FRMD5: variants seen among roughly 807,000 people sequenced by gnomAD.
FRMD5 encodes FERM domain containing 5.
FRMD5 carries 20 observed loss-of-function variants against 69.0 expected under a neutral mutation model. That is an observed-to-expected ratio of 0.29 (90% CI 0.20 to 0.42). The LOEUF (loss-of-function observed/expected upper bound fraction) is 0.42, where lower values mean the gene tolerates loss of function less well. FRMD5 is among the 10% of genes least tolerant of loss of function. The probability of loss-of-function intolerance (pLI) is 1.00; values close to 1 mark genes in which losing one functional copy is unlikely to be tolerated. For synonymous variants in FRMD5, 271 were observed against 260.1 expected (o/e 1.04, Z -0.40); for missense variants, 595 against 708.6 (o/e 0.84, Z 1.82).
intron 1 of FRMD5, among the ~76,000 whole-genome samples, chr15:44,087,381 A>T (rs1894242332): frequency 6.6e-6 from 1 of 152,210 alleles, no homozygotes; most frequent in South Asian, 2.1e-4. Flanking sequence ...ACGTAATAAC[A>T]TATAAACTTA....
intron 13 of FRMD5, among the ~76,000 whole-genome samples, chr15:43,881,363 A>G (rs1335777783): frequency 6.6e-6 from 1 of 152,216 alleles, no homozygotes; most frequent in Non-Finnish European, 1.5e-5. Flanking sequence ...GCCAAGGGAC[A>G]GTGAGAGCCA....
At chr15:43,991,732 A>T (rs539103778) in intron 1 of FRMD5, among the ~76,000 whole-genome samples, 48 of 152,172 alleles carry the variant, frequency 3.2e-4, no homozygotes, top group Non-Finnish European at 5.6e-4. Context: ...CAGGTAAGGG[A>T]TTGATATTTT....
intron 1 of FRMD5, among the ~76,000 whole-genome samples, chr15:44,128,798 T>C (rs931443172): frequency 6.6e-6 from 1 of 151,784 alleles, no homozygotes; most frequent in African/African-American, 2.4e-5. Flanking sequence ...ATTTTTAAGA[T>C]TTGAACAAGG....
At chr15:43,881,205 C>A (rs138075918) in intron 13 of FRMD5, among the ~76,000 whole-genome samples, 8 of 152,256 alleles carry the variant, frequency 5.3e-5, no homozygotes, top group African/African-American at 1.9e-4. Flanking sequence ...GACAGCTGTC[C>A]CAGCTCTCTG....
chr15:44,088,512 C>T (rs1894298567), intron 1 of FRMD5, among the ~76,000 whole-genome samples: 1 of 152,182 alleles, frequency 6.6e-6, no homozygotes, highest in Non-Finnish European at 1.5e-5. Flanking sequence ...TCTTGTTCCA[C>T]ATGTTTTGAT....
intron 1 of FRMD5, among the ~76,000 whole-genome samples, chr15:43,945,445 T>C (rs529107931): frequency 5.2e-4 from 79 of 152,326 alleles, no homozygotes; most frequent in African/African-American, 1.9e-3. Flanking sequence ...AGAGGAGAAC[T>C]GATTTAAATT....
intron 1 of FRMD5, among the ~76,000 whole-genome samples, chr15:44,056,289 C>A (rs1595676868): frequency 6.6e-6 from 1 of 152,118 alleles, no homozygotes; most frequent in Non-Finnish European, 1.5e-5. Flanking sequence ...ACAAACAAAC[C>A]AGGATAGAAA....
chr15:44,177,488 A>G lies in FRMD5; in HGVS notation c.102+17465T>C, dbSNP rs535773943. On this transcript the variant is annotated intron_variant, in intron 1 of 13. Transcript: ENST00000417257. The stretch of plus-strand genomic sequence containing the variant: ...ACCACGTTGTATGATACCATTAATT[A>G]ATATATCTAGAATAGGCAAATCTGG... Among the ~76,000 whole-genome samples the G allele has an allele frequency of 3.3e-5, 5 of 152,288 alleles. No homozygotes were observed. The South Asian group carries it at 8.3e-4, about 25-fold the overall frequency.
Position 43,874,276 on chromosome 15 carries a change from T to C in FRMD5, c.1322A>G (p.Glu441Gly), listed in dbSNP as rs1595465401. 6.2e-7 allele frequency: 1 copy of C among 1,614,166 alleles called. No individual in the cohort carries two copies. The highest frequency in any genetic ancestry group is 8.5e-7 in the Non-Finnish European group (1 of 1,180,038). Residue 441 changes from glutamate to glycine, a missense_variant, in exon 14 of 14, where the codon GAG (glutamate) becomes GGG (glycine). Physicochemically the swap from Glu to Gly is moderately conservative, Grantham distance 98. Around this residue, in one of 5 missense-constraint regions of FRMD5, gnomAD observed 245 missense variants for 227.1 expected, o/e 1.08. Coordinates refer to ENST00000417257, the MANE Select transcript of FRMD5 (RefSeq NM_032892.5). ...GATCTGCCGGGAAAGCAACATCAGC[T>C]CCAGGCTGTGCTCAGCCACAGGGGT... ...LPTPVAEHSL[E>G]LMLLSRQING...
intron 5 of FRMD5, among the ~76,000 whole-genome samples, chr15:43,906,885 G>C (rs924425784): frequency 6.6e-6 from 1 of 152,130 alleles, no homozygotes; most frequent in Non-Finnish European, 1.5e-5. Flanking sequence ...ACAGGCGTGA[G>C]CCACCGCACC....
intron 2 of FRMD5, among the ~76,000 whole-genome samples, chr15:43,921,614 C>A (rs2089494217): frequency 6.6e-6 from 1 of 152,052 alleles, no homozygotes; most frequent in Non-Finnish European, 1.5e-5. Context: ...AAATGCCTGA[C>A]CAAATCGGTC....
At chr15:44,095,496 C>T (rs1440840618) in intron 1 of FRMD5, among the ~76,000 whole-genome samples, 6 of 152,258 alleles carry the variant, frequency 3.9e-5, no homozygotes, top group East Asian at 1.9e-4. Flanking sequence ...TGAGCCAACA[C>T]GCCTGGCTTG....
intron 1 of FRMD5, among the ~76,000 whole-genome samples, chr15:44,112,516 G>C (rs1486614332): frequency 6.6e-6 from 1 of 150,946 alleles, no homozygotes; most frequent in African/African-American, 2.4e-5. Context: ...GCCCAGGCTG[G>C]AGTGCAGTGG....
intron 1 of FRMD5, among the ~76,000 whole-genome samples, chr15:44,165,690 G>T (rs1260896641): frequency 6.6e-6 from 1 of 151,950 alleles, no homozygotes; most frequent in Non-Finnish European, 1.5e-5. Context: ...ACAAAAATTA[G>T]CCAGGTGGGT....
At position 43,871,383 on chromosome 15, in the gene FRMD5, T is replaced by C. The variant is rs2088156950; in HGVS notation, c.*2502A>G. 6.6e-6 allele frequency: 1 copy of C among 152,240 alleles called. No individual in the cohort carries two copies. The highest frequency in any genetic ancestry group is 1.5e-5 in the Non-Finnish European group (1 of 68,040). The allele number at this position is 152,240 out of a possible 1,614,324, so 9.4% of individuals were successfully genotyped here. A position where few individuals can be genotyped will look rare whatever the true frequency, so the allele number is the denominator to read the frequency against. ...TATGGAATACTGCATCTGTCTCTAATGTGAATATGAAAGGTCAGAGTTGAG... is the reference window on the plus strand; with the variant it reads ...TATGGAATACTGCATCTGTCTCTAACGTGAATATGAAAGGTCAGAGTTGAG... On this transcript the variant is annotated 3_prime_UTR_variant, in exon 14 of 14. Coordinates refer to ENST00000417257, the MANE Select transcript of FRMD5 (RefSeq NM_032892.5).
chr15:44,036,458 G>A (rs1477865659), intron 1 of FRMD5, among the ~76,000 whole-genome samples: 1 of 152,092 alleles, frequency 6.6e-6, no homozygotes, highest in African/African-American at 2.4e-5. Context: ...ACCGGCAGCT[G>A]GGCCCTTGCA....
intron 1 of FRMD5, among the ~76,000 whole-genome samples, chr15:44,055,069 C>CA (rs1024472194): frequency 0.04 from 2,209 of 55,892 alleles, 74 homozygotes; most frequent in African/African-American, 0.1. Context: ...GACTCTGTCT[C>CA]AAAAAAAAAA....
intron 1 of FRMD5, among the ~76,000 whole-genome samples, chr15:44,104,789 T>C (rs888209656): frequency 2.6e-5 from 4 of 152,184 alleles, no homozygotes; most frequent in African/African-American, 9.7e-5. Flanking sequence ...TCTCAGAACA[T>C]ACCCTGTTGT....
chr15:44,003,925 G>A (rs536420252), intron 1 of FRMD5, among the ~76,000 whole-genome samples: 75 of 152,258 alleles, frequency 4.9e-4, no homozygotes, highest in African/African-American at 1.8e-3. Flanking sequence ...GTTCACTGAA[G>A]AAGAAAGGGG....
Sources: allele counts gnomAD v4.1 joint callset (sites outside exome capture counted in the v4.1 genomes callset), GRCh38; gene constraint gnomAD v4.1.1; regional missense constraint gnomAD v4.1.1; transcripts MANE v1.5; gene names NCBI Gene and HGNC (gene_info 2026-07-23, HGNC 2026-07-21).